GLCE: variants seen among roughly 807,000 people sequenced by gnomAD.
GLCE encodes D-glucuronyl C5-epimerase.
A neutral mutation model predicts 47.9 loss-of-function variants in GLCE; 19 were observed. That is an observed-to-expected ratio of 0.40 (90% CI 0.28 to 0.58). GLCE has a LOEUF of 0.58. GLCE is among the 20% of genes least tolerant of loss of function. The pLI, the probability that GLCE is intolerant of heterozygous loss-of-function variation, is 0.48. For synonymous variants in GLCE, 245 were observed against 263.4 expected, an observed-to-expected ratio of 0.93 and a Z score of 0.68; for missense variants, 556 against 743.3, an observed-to-expected ratio of 0.75 and a Z score of 2.93.
chr15:69,223,608 G>T (rs1410997559), intron 2 of GLCE, among the ~76,000 whole-genome samples: 1 of 152,084 alleles, frequency 6.6e-6, no homozygotes, highest in African/African-American at 2.4e-5. Flanking sequence ...GTTTATACTC[G>T]TGTCTTTCAT....
intron 2 of GLCE, among the ~76,000 whole-genome samples, chr15:69,234,440 C>T (rs548200504): frequency 6.6e-6 from 1 of 152,032 alleles, no homozygotes. Flanking sequence ...TCAGGTTTTA[C>T]CTTTGTAAAT....
At chr15:69,185,630 C>G (rs2051811512) in intron 1 of GLCE, among the ~76,000 whole-genome samples, 1 of 151,962 alleles carries the variant, frequency 6.6e-6, no homozygotes, top group African/African-American at 2.4e-5. Flanking sequence ...AGCGAAAACT[C>G]TCAAACCGTG....
At chr15:69,165,505 C>CTTTTTTTTTTTTTTTT (rs1172987241) in intron 1 of GLCE, among the ~76,000 whole-genome samples, 2 of 84,632 alleles carry the variant, frequency 2.4e-5, no homozygotes, top group Non-Finnish European at 4.7e-5. Context: ...GCACTGTCTG[C>CTTTTTTTTTTTTTTTT]TTTTTTTTTT....
chr15:69,181,879 G>A (rs1377893257), intron 1 of GLCE, among the ~76,000 whole-genome samples: 2 of 151,692 alleles, frequency 1.3e-5, no homozygotes, highest in East Asian at 3.9e-4. Flanking sequence ...AGACGAAGAG[G>A]TAGTGGTGGT....
chr15:69,262,865 T>C (rs1357774554), intron 4 of GLCE, among the ~76,000 whole-genome samples: 8 of 152,140 alleles, frequency 5.3e-5, no homozygotes, highest in African/African-American at 1.9e-4. Flanking sequence ...CATGTACAGG[T>C]TGAGTATCCC....
chr15:69,166,350 A>T (rs531061506), intron 1 of GLCE, among the ~76,000 whole-genome samples: 42 of 152,196 alleles, frequency 2.8e-4, no homozygotes, highest in Non-Finnish European at 5.4e-4. Flanking sequence ...TCTGAATATG[A>T]CTGCTTATTC....
At chr15:69,241,075 A>G (rs1054415279) in intron 2 of GLCE, among the ~76,000 whole-genome samples, 4 of 152,118 alleles carry the variant, frequency 2.6e-5, no homozygotes, top group Admixed American at 6.5e-5. Flanking sequence ...CGTCGTCGTC[A>G]TCATCATCAT....
At chr15:69,161,760 G>A (rs2051425574) in intron 1 of GLCE, among the ~76,000 whole-genome samples, 1 of 152,210 alleles carries the variant, frequency 6.6e-6, no homozygotes, top group Non-Finnish European at 1.5e-5. Flanking sequence ...GGATCCCTGT[G>A]GGGGCGCGCT....
In GLCE at chr15:69,222,322, T is replaced by A. The variant is rs1304889739; in HGVS notation, c.-14+11916T>A. Among the ~76,000 whole-genome samples the A allele has an allele frequency of 2.0e-5, 3 of 151,954 alleles. No individual in the cohort carries two copies. In the East Asian group the frequency reaches 5.8e-4, roughly 29 times the overall value. On this transcript the variant is annotated intron_variant, in intron 2 of 4. Transcript: ENST00000261858. ...GGCATTCTGGCAGGGGCACCATGGG[T>A]GGGAGGCAGGGGTGGTGGAGGCACC... is the stretch of plus-strand genomic sequence containing the variant.
intron 4 of GLCE, 66 bp downstream of exon 4, chr15:69,261,395 A>G: frequency 6.8e-7 from 1 of 1,471,378 alleles, no homozygotes; most frequent in Non-Finnish European, 9.2e-7. Context: ...TAGTCCCTTA[A>G]AATTTTAATA....
intron 2 of GLCE, among the ~76,000 whole-genome samples, chr15:69,245,996 T>C (rs1162519279): frequency 6.6e-5 from 10 of 152,200 alleles, no homozygotes; most frequent in Admixed American, 1.3e-4. Flanking sequence ...CCTAAAGTAC[T>C]GGGTTTACAG....
At chr15:69,207,155 T>C (rs2140370571) in intron 1 of GLCE, among the ~76,000 whole-genome samples, 1 of 152,226 alleles carries the variant, frequency 6.6e-6, no homozygotes, top group Non-Finnish European at 1.5e-5. Flanking sequence ...AAATTTACCC[T>C]ACCCCCTTTA....
chr15:69,226,816 C>A (rs976914361), intron 2 of GLCE, among the ~76,000 whole-genome samples: 5 of 145,100 alleles, frequency 3.4e-5, no homozygotes, highest in Non-Finnish European at 5.9e-5. Context: ...GTGATCTCGG[C>A]TCACTGCAAC....
intron 2 of GLCE, among the ~76,000 whole-genome samples, chr15:69,218,379 T>C (rs967583343): frequency 6.6e-6 from 1 of 151,934 alleles, no homozygotes; most frequent in East Asian, 1.9e-4. Flanking sequence ...CTGGGTGTAG[T>C]GGTGCATGCC....
chr15:69,248,422 A>G (rs1005437412), intron 2 of GLCE, among the ~76,000 whole-genome samples: 6 of 152,206 alleles, frequency 3.9e-5, no homozygotes, highest in African/African-American at 1.4e-4. Flanking sequence ...TATTTGGATT[A>G]CAATTTCTGA....
intron 1 of GLCE, among the ~76,000 whole-genome samples, chr15:69,182,694 C>CTGG (rs1436036089): frequency 6.6e-6 from 1 of 151,994 alleles, no homozygotes; most frequent in Non-Finnish European, 1.5e-5. Context: ...AGGTAGTGAG[C>CTGG]TGGTATCAGA....
At position 69,194,213 on chromosome 15, in the gene GLCE, A is replaced by G. The variant is rs1231222529; in HGVS notation, c.-104-16103A>G. On this transcript the variant is annotated intron_variant, in intron 1 of 4. Transcript: ENST00000261858. ...CTGTATTTGCAGTTTGAGAGTCCCA[A>G]GTAAGCCTGACTAGGCTTCAAAAAT... 3.3e-5 allele frequency among the ~76,000 whole-genome samples: 5 copies of G among 152,196 alleles called. No homozygotes were observed. In the South Asian group the frequency reaches 8.3e-4, roughly 25 times the overall value.
At chr15:69,214,629 A>G (rs1428174929) in intron 2 of GLCE, among the ~76,000 whole-genome samples, 2 of 152,144 alleles carry the variant, frequency 1.3e-5, no homozygotes, top group East Asian at 3.9e-4. Context: ...TCACATACAT[A>G]CATCTATATT....
At chr15:69,207,240 C>T (rs980551596) in intron 1 of GLCE, among the ~76,000 whole-genome samples, 4 of 152,076 alleles carry the variant, frequency 2.6e-5, no homozygotes, top group Admixed American at 2.6e-4. Context: ...AAAATTCCCC[C>T]AGCATCTTTG....
Sources: allele counts gnomAD v4.1 joint callset (sites outside exome capture counted in the v4.1 genomes callset), GRCh38; gene constraint gnomAD v4.1.1; transcripts MANE v1.5; gene names NCBI Gene and HGNC (gene_info 2026-07-23, HGNC 2026-07-21).